FSTL5: variants seen among roughly 807,000 people sequenced by gnomAD.
FSTL5 encodes follistatin like 5.
Under a neutral mutation model 89.1 loss-of-function variants are expected in FSTL5, and 62 were observed. The observed-to-expected ratio is 0.70, with a 90% confidence interval of 0.57 to 0.86. The LOEUF is 0.86. Among genes scored for constraint, FSTL5 ranks in the 40% least tolerant of loss-of-function variants. The pLI is 0.00. For missense variants in FSTL5, 1,057 were observed against 1,001.6 expected (o/e 1.06, Z -0.75); for synonymous variants, 383 against 346.2 (o/e 1.11, Z -1.18).
At chr4:161,960,626 T>C (rs567138683) in intron 3 of FSTL5, among the ~76,000 whole-genome samples, 35 of 152,230 alleles carry the variant, frequency 2.3e-4, no homozygotes, top group African/African-American at 7.9e-4. Flanking sequence ...AAACAACTTA[T>C]GTTAAATTTG....
intron 1 of FSTL5, among the ~76,000 whole-genome samples, chr4:162,155,779 T>C (rs1051839006): frequency 6.6e-6 from 1 of 152,190 alleles, no homozygotes; most frequent in African/African-American, 2.4e-5. Flanking sequence ...TAAGGAACTA[T>C]GTGATGGTTT....
chr4:162,085,758 C>T (rs1483778617), intron 2 of FSTL5, among the ~76,000 whole-genome samples: 2 of 152,100 alleles, frequency 1.3e-5, no homozygotes, highest in Non-Finnish European at 2.9e-5. Flanking sequence ...CATTGAATAG[C>T]TCTGTCATTT....
intron 15 of FSTL5, among the ~76,000 whole-genome samples, chr4:161,437,373 T>C (rs2126356790): frequency 6.6e-6 from 1 of 152,058 alleles, no homozygotes; most frequent in South Asian, 2.1e-4. Flanking sequence ...GAGACCATCC[T>C]GGCTAACACG....
intron 13 of FSTL5, 110 bp from the exon 14 acceptor site, chr4:161,459,429 G>A: frequency 3.3e-6 from 2 of 610,248 alleles, no homozygotes; most frequent in East Asian, 5.7e-5. Flanking sequence ...AATTTAATTT[G>A]CCAAATATAT....
chr4:161,503,389 T>A (rs1382464111), intron 11 of FSTL5, among the ~76,000 whole-genome samples: 1 of 151,884 alleles, frequency 6.6e-6, no homozygotes, highest in Admixed American at 6.6e-5. Context: ...TTTTCTATGA[T>A]ATAAAATTTT....
chr4:161,644,055 A>G (rs1736055045), intron 7 of FSTL5, among the ~76,000 whole-genome samples: 1 of 152,096 alleles, frequency 6.6e-6, no homozygotes, highest in African/African-American at 2.4e-5. Context: ...GAGAACAGTC[A>G]GTTTTATTCT....
rs1386818155 is a variant in FSTL5 at position 161,540,880 on chromosome 4, A to G, written c.1177+1652T>C. Among the ~76,000 whole-genome samples the G allele has an allele frequency of 5.3e-5, 8 of 152,116 alleles. No homozygotes were observed. In the East Asian group the frequency reaches 1.5e-3, roughly 29 times the overall value. ...TTATTGAACTTTCTATGCATTTGCC[A>G]TTGTTGACCTCTTTATTTTTAACTT... On this transcript the variant is annotated intron_variant, in intron 9 of 15. Transcript: ENST00000306100.
intron 4 of FSTL5, among the ~76,000 whole-genome samples, chr4:161,784,755 G>A (rs1975224): frequency 0.73 from 111,075 of 151,356 alleles, 40,831 homozygotes; most frequent in Non-Finnish European, 0.76. Flanking sequence ...TTAGCCGGAC[G>A]TGGTGGCGGG....
At chr4:161,486,165 A>AAT (rs201126683) in intron 12 of FSTL5, among the ~76,000 whole-genome samples, 14 of 147,564 alleles carry the variant, frequency 9.5e-5, no homozygotes, top group Non-Finnish European at 1.2e-4. Context: ...AAAAAAAAAA[A>AAT]GTAAATATCT....
At chr4:161,962,464 C>A (rs189101410) in intron 3 of FSTL5, among the ~76,000 whole-genome samples, 2 of 151,988 alleles carry the variant, frequency 1.3e-5, no homozygotes, top group East Asian at 1.9e-4. Context: ...CTAATTGATA[C>A]CTTGCTATGA....
chr4:161,939,601 T>C (rs1578877404), intron 3 of FSTL5, among the ~76,000 whole-genome samples: 1 of 151,814 alleles, frequency 6.6e-6, no homozygotes. Flanking sequence ...GATCAAATAA[T>C]GAGAAGGACT....
intron 4 of FSTL5, among the ~76,000 whole-genome samples, chr4:161,813,874 A>G (rs1299165158): frequency 6.6e-6 from 1 of 152,206 alleles, no homozygotes; most frequent in Non-Finnish European, 1.5e-5. Context: ...TATATTTTAT[A>G]ATAGTTCTGT....
chr4:161,424,278 T>A (rs1732096213), intron 15 of FSTL5, among the ~76,000 whole-genome samples: 1 of 151,950 alleles, frequency 6.6e-6, no homozygotes, highest in Non-Finnish European at 1.5e-5. Context: ...TAAGAGTAAC[T>A]CTTGAAGTGG....
chr4:161,693,582 T>C (rs954840207), intron 6 of FSTL5, among the ~76,000 whole-genome samples: 6 of 151,916 alleles, frequency 3.9e-5, no homozygotes, highest in Non-Finnish European at 8.8e-5. Flanking sequence ...GTCCATTTCA[T>C]CTAGATTGTC....
In FSTL5 at chr4:161,699,757, G is replaced by A. The variant is rs530818361; in HGVS notation, c.728-43263C>T. Among the ~76,000 whole-genome samples the A allele has an allele frequency of 4.1e-4, 62 of 152,232 alleles. 2 individuals are homozygous for A. In the South Asian group the frequency reaches 0.012, roughly 29 times the overall value. On this transcript the variant is annotated intron_variant, in intron 6 of 15. Transcript: ENST00000306100. ...GAGAGCATTCCCATGGTGTTACCAC[G>A]TATTTTTTTTGTGGGACTTGGGGTC...
intron 6 of FSTL5, among the ~76,000 whole-genome samples, chr4:161,660,800 G>A (rs1005770738): frequency 1.3e-5 from 2 of 152,106 alleles, no homozygotes; most frequent in African/African-American, 2.4e-5. Flanking sequence ...CAAAGAACAT[G>A]ATCTTGTTCT....
chr4:161,414,628 C>A (rs1731709711), intron 15 of FSTL5, among the ~76,000 whole-genome samples: 1 of 151,996 alleles, frequency 6.6e-6, no homozygotes, highest in African/African-American at 2.4e-5. Context: ...CAATGTAGGT[C>A]CAACCTAGAT....
At chr4:161,975,234 C>T (rs1187598644) in intron 3 of FSTL5, among the ~76,000 whole-genome samples, 2 of 141,432 alleles carry the variant, frequency 1.4e-5, no homozygotes, top group Non-Finnish European at 3.1e-5. Flanking sequence ...ACCATTTGAC[C>T]CAGCCATCCC....
intron 2 of FSTL5, among the ~76,000 whole-genome samples, chr4:162,110,808 C>T (rs887469204): frequency 1.3e-5 from 2 of 151,628 alleles, no homozygotes; most frequent in African/African-American, 4.8e-5. Context: ...GTGAAAATTT[C>T]TAAAAATTTC....
Sources: gnomAD v4.1 joint callset for allele counts (sites outside exome capture counted in the v4.1 genomes callset) on GRCh38, gnomAD v4.1.1 for gene constraint, MANE v1.5 for transcripts, NCBI Gene and HGNC (gene_info 2026-07-23, HGNC 2026-07-21) for gene names.